Variants in GALNT13 observed in about 807,000 individuals in gnomAD.
GALNT13 encodes the protein UDP-GalNAc:polypeptide N-acetylgalactosaminyltransferase 13.
Under a neutral mutation model 64.2 loss-of-function variants are expected in GALNT13, and 28 were observed. The ratio of observed to expected loss-of-function variants is 0.44; its 90% CI spans 0.32 to 0.60. The LOEUF (loss-of-function observed/expected upper bound fraction) is 0.60, where lower values mean the gene tolerates loss of function less well. Among genes scored for constraint, GALNT13 ranks in the 20% least tolerant of loss-of-function variants. The probability of loss-of-function intolerance (pLI) is 0.05; values close to 1 mark genes in which losing one functional copy is unlikely to be tolerated. For missense variants in GALNT13, 577 were observed against 669.8 expected, an observed-to-expected ratio of 0.86 and a Z score of 1.53; for synonymous variants, 214 against 224.6, an observed-to-expected ratio of 0.95 and a Z score of 0.42.
chr2:153,778,946 T>G, the GALNT13 span, among the ~76,000 whole-genome samples: 2,535 of 152,298 alleles, frequency 0.017, 75 homozygotes, highest in East Asian at 0.13. Flanking sequence ...GCAGGTAAGA[T>G]TCATATTCAA....
chr2:153,366,273 G>A, the GALNT13 span, among the ~76,000 whole-genome samples: 1 of 152,038 alleles, frequency 6.6e-6, no homozygotes, highest in Non-Finnish European at 1.5e-5. Flanking sequence ...AGAGCATCAG[G>A]ACTAATAGCT....
intron 8 of GALNT13, among the ~76,000 whole-genome samples, chr2:154,295,439 A>G (rs143118916): frequency 0.03 from 4,481 of 151,336 alleles, 100 homozygotes; most frequent in Non-Finnish European, 0.043. Flanking sequence ...CCTTGGCTCA[A>G]TGCAACCTCT....
At chr2:154,343,887 A>G (rs1476755960) in intron 9 of GALNT13, among the ~76,000 whole-genome samples, 3 of 152,010 alleles carry the variant, frequency 2.0e-5, no homozygotes, top group Admixed American at 6.6e-5. Context: ...TACTGTGACT[A>G]ATTGAACCCC....
intron 3 of GALNT13, among the ~76,000 whole-genome samples, chr2:153,968,967 G>GA (rs1553461093): frequency 6.6e-6 from 1 of 151,798 alleles, no homozygotes; most frequent in Non-Finnish European, 1.5e-5. Flanking sequence ...TCTTTTTTTA[G>GA]TTTTTTCACA....
chr2:154,077,098 A>G (rs1162221316), intron 3 of GALNT13, among the ~76,000 whole-genome samples: 4 of 151,704 alleles, frequency 2.6e-5, no homozygotes, highest in African/African-American at 9.7e-5. Context: ...GGAATTTATT[A>G]GTATAACAGT....
chr2:153,699,969 G>C, the GALNT13 span, among the ~76,000 whole-genome samples: 1 of 152,166 alleles, frequency 6.6e-6, no homozygotes, highest in African/African-American at 2.4e-5. Context: ...GAAAAGGAGA[G>C]ACTCCTTCCT....
At chr2:153,110,262 A>G in the GALNT13 span, among the ~76,000 whole-genome samples, 1 of 152,092 alleles carries the variant, frequency 6.6e-6, no homozygotes, top group Non-Finnish European at 1.5e-5. Context: ...AATTTTCCAC[A>G]TACTGTCACT....
At chr2:154,195,930 C>G (rs2105767312) in intron 4 of GALNT13, among the ~76,000 whole-genome samples, 1 of 152,232 alleles carries the variant, frequency 6.6e-6, no homozygotes, top group East Asian at 1.9e-4. Context: ...ATTCATAGAT[C>G]TATGATTAGG....
At chr2:153,440,047 C>A in the GALNT13 span, among the ~76,000 whole-genome samples, 1 of 152,150 alleles carries the variant, frequency 6.6e-6, no homozygotes, top group Non-Finnish European at 1.5e-5. Flanking sequence ...TGGTTTGCTG[C>A]ACCCATCAAC....
the GALNT13 span, among the ~76,000 whole-genome samples, chr2:153,792,374 CT>C: frequency 6.6e-6 from 1 of 152,030 alleles, no homozygotes; most frequent in South Asian, 2.1e-4. Context: ...TATAAATAAT[CT>C]AGAGGCTATT....
At chr2:153,790,852 T>C in the GALNT13 span, among the ~76,000 whole-genome samples, 14 of 152,110 alleles carry the variant, frequency 9.2e-5, no homozygotes, top group East Asian at 1.9e-3. Context: ...CCATTCACAA[T>C]TGACACAAAA....
chr2:153,358,718 A>G, the GALNT13 span, among the ~76,000 whole-genome samples: 1 of 152,298 alleles, frequency 6.6e-6, no homozygotes, highest in Non-Finnish European at 1.5e-5. Flanking sequence ...ATATAAAACT[A>G]TATAGGACAT....
the GALNT13 span, among the ~76,000 whole-genome samples, chr2:153,833,258 G>A: frequency 6.6e-6 from 1 of 152,132 alleles, no homozygotes. Context: ...CAAGCATAGT[G>A]ATGGTGGTAA....
chr2:154,254,591 AAG>A (rs1028903859), intron 7 of GALNT13, among the ~76,000 whole-genome samples: 1 of 151,794 alleles, frequency 6.6e-6, no homozygotes, highest in Admixed American at 6.6e-5. Flanking sequence ...CAGAAAAAAA[AAG>A]AAGTATTTTG....
the GALNT13 span, among the ~76,000 whole-genome samples, chr2:153,720,926 G>GCAGGCCGACGT: frequency 6.6e-5 from 10 of 151,950 alleles, no homozygotes; most frequent in Non-Finnish European, 1.5e-4. Context: ...ATCTAGCAAG[G>GCAGGCCGACGT]CAGGCCGACG....
At chr2:154,186,773 A>T (rs1686274104) in intron 4 of GALNT13, among the ~76,000 whole-genome samples, 2 of 152,078 alleles carry the variant, frequency 1.3e-5, no homozygotes, top group Admixed American at 1.3e-4. Flanking sequence ...GCACAAAAGG[A>T]CTAATTTAGA....
chr2:153,287,461 C>T, the GALNT13 span, among the ~76,000 whole-genome samples: 2 of 152,036 alleles, frequency 1.3e-5, no homozygotes, highest in African/African-American at 2.4e-5. Context: ...TTGGATCACA[C>T]GTGGGGTTGG....
At chr2:153,522,303 A>C in the GALNT13 span, among the ~76,000 whole-genome samples, 1 of 151,982 alleles carries the variant, frequency 6.6e-6, no homozygotes, top group Non-Finnish European at 1.5e-5. Context: ...ATTGCACTCC[A>C]GCCTGGGCGA....
intron 4 of GALNT13, among the ~76,000 whole-genome samples, chr2:154,149,332 C>G (rs926662953): frequency 2.6e-5 from 4 of 152,078 alleles, no homozygotes; most frequent in African/African-American, 9.7e-5. Context: ...TTACAGTAGC[C>G]TTGTAGTATA....
Sources: allele counts gnomAD v4.1 joint callset (sites outside exome capture counted in the v4.1 genomes callset), GRCh38; gene constraint gnomAD v4.1.1; transcripts MANE v1.5; gene names NCBI Gene and HGNC (gene_info 2026-07-23, HGNC 2026-07-21).